The following CACNA1H variants were observed in gnomAD, a reference collection of about 807,000 sequenced individuals.
CACNA1H encodes voltage-dependent T-type calcium channel subunit alpha-1H.
A neutral mutation model predicts 192.5 loss-of-function variants in CACNA1H; 149 were observed. That is an observed-to-expected ratio of 0.77 (90% CI 0.68 to 0.89). The LOEUF is 0.89. Ranked by LOEUF, CACNA1H falls within the 40% of genes least tolerant of loss-of-function variation. The probability of loss-of-function intolerance (pLI) is 0.00; values close to 1 mark genes in which losing one functional copy is unlikely to be tolerated. For missense variants in CACNA1H, 4,257 were observed against 3,423.5 expected (o/e 1.24, Z -6.08); for synonymous variants, 2,202 against 1,475.2 (o/e 1.49, Z -11.29).
In CACNA1H at chr16:1,202,057, C is replaced by G. The variant is rs1481524583; in HGVS notation, c.1607C>G (p.Pro536Arg). 1 of 1,538,594 alleles carries G rather than the reference C, an allele frequency of 6.5e-7. No individual in the cohort carries two copies. The highest frequency in any genetic ancestry group is 1.2e-5 in the South Asian group (1 of 83,902). Residue 536 changes from proline to arginine, a missense_variant, in exon 9 of 35, where the codon CCC (proline) becomes CGC (arginine). Physicochemically the swap from Pro to Arg is moderately radical, Grantham distance 103. Transcript: ENST00000348261. ...HHHYHFSHGS[P>R]RRPGPEPGAC... ...CACTACCATTTCAGCCATGGCAGCC[C>G]CCGCAGGCCCGGCCCCGAGCCAGGC...
At chr16:1,176,333 C>G (rs1423255507) in intron 2 of CACNA1H, among the ~76,000 whole-genome samples, 1 of 152,264 alleles carries the variant, frequency 6.6e-6, no homozygotes, top group Admixed American at 6.5e-5. Flanking sequence ...CGGAGCTCCC[C>G]TGCCCATCCT....
intron 9 of CACNA1H, among the ~76,000 whole-genome samples, chr16:1,202,815 C>A (rs184645804): frequency 1.3e-5 from 2 of 152,238 alleles, no homozygotes; most frequent in East Asian, 3.9e-4. Flanking sequence ...CCCTGGAGGA[C>A]GTGCAGCGTC....
In CACNA1H at chr16:1,217,338, A is replaced by G. The variant is rs117259971; in HGVS notation, c.5323+328A>G. Reference sequence around the variant, plus strand: ...ACACAGACATCTGGAAACACACGCCATGCCCAACGTCACATGGTCCCAGGA... The same window carrying G: ...ACACAGACATCTGGAAACACACGCCGTGCCCAACGTCACATGGTCCCAGGA... On this transcript the variant is annotated intron_variant, in intron 31 of 34. Coordinates refer to ENST00000348261, the MANE Select transcript of CACNA1H (RefSeq NM_021098.3). Among the ~76,000 whole-genome samples the G allele has an allele frequency of 4.2e-3, 642 of 152,362 alleles. 2 individuals carry two copies. Among genetic ancestry groups the G allele is most frequent in the Admixed American group, 6.4e-3 (98 of 15,312 alleles).
rs775090579 is a variant in CACNA1H at position 1,220,066 on chromosome 16, C to T, written c.6134C>T (p.Pro2045Leu). ...LDPAEPGEKT[P>L]VRPVTQGGSL... Reference sequence around the variant, plus strand: ...CCTGCAGAGCCTGGTGAGAAAACCCCGGTGAGGCCGGTGACCCAGGGGGGC... The same window carrying T: ...CCTGCAGAGCCTGGTGAGAAAACCCTGGTGAGGCCGGTGACCCAGGGGGGC... Residue 2045 changes from proline to leucine, a missense_variant, in exon 35 of 35, where the codon CCG becomes CTG. Transcript: ENST00000348261. The T allele has an allele frequency of 1.7e-5, 25 of 1,434,194 alleles. No individual in the cohort carries two copies. The highest frequency in any genetic ancestry group is 2.1e-5 in the Non-Finnish European group (23 of 1,095,782). The allele number at this position is 1,434,194 out of a possible 1,614,324, so 88.8% of individuals were successfully genotyped here.
chr16:1,200,619 G>A, intron 7 of CACNA1H, 48 bp downstream of exon 7: 1 of 1,602,888 alleles, frequency 6.2e-7, no homozygotes, highest in Non-Finnish European at 8.5e-7. Context: ...CGGCAGGGGA[G>A]CGGGTGCAGG....
In CACNA1H at chr16:1,201,783, A is replaced by G; in HGVS notation, c.1333A>G (p.Ser445Gly). The G allele has an allele frequency of 6.2e-7, 1 of 1,601,668 alleles. No homozygotes were observed. Residue 445 changes from serine (S) to glycine (G), a missense_variant, in exon 9 of 35, where the codon AGC becomes GGC. Physicochemically the swap from Ser to Gly is moderately conservative, Grantham distance 56. Coordinates refer to ENST00000348261, the MANE Select transcript of CACNA1H (RefSeq NM_021098.3). ...EQRARHLSND[S>G]TLASFSEPGS... ...GCGGGCACGCCACCTGTCCAACGAC[A>G]GCACGCTGGCCAGCTTCTCCGAGCC...
chr16:1,186,124 C>T lies in CACNA1H; in HGVS notation c.300-8848C>T, dbSNP rs1966024503. 2.6e-5 allele frequency among the ~76,000 whole-genome samples: 3 copies of T among 114,904 alleles called. No individual in the cohort carries two copies. The South Asian group carries it at 8.4e-4, about 32-fold the overall frequency. The allele number at this position is 114,904 out of a possible 152,430, so 75.4% of individuals were successfully genotyped here. A position where few individuals can be genotyped will look rare whatever the true frequency, so the allele number is the denominator to read the frequency against. ...AGACGGCGTGCGTAGGGGCCGGAGG[C>T]GGGGTGTGTACGGGGCGGGTGACTA... On this transcript the variant is annotated intron_variant, in intron 2 of 34. Coordinates refer to ENST00000348261, the MANE Select transcript of CACNA1H (RefSeq NM_021098.3).
rs375853390 is a variant in CACNA1H, at chr16:1,171,959, C to T, written c.299+17923C>T. Among the ~76,000 whole-genome samples the T allele has an allele frequency of 6.6e-4, 101 of 152,360 alleles. 2 individuals are homozygous for T. Among genetic ancestry groups the T allele is most frequent in the Non-Finnish European group, 8.7e-4 (59 of 68,022 alleles). On this transcript the variant is annotated intron_variant, in intron 2 of 34. Coordinates refer to ENST00000348261, the MANE Select transcript of CACNA1H (RefSeq NM_021098.3). ...CAGGCCAGGCGGGCGCCAGGACGGA[C>T]GCTGGGGTCCAAGTGCGGCATGGGG...
intron 2 of CACNA1H, among the ~76,000 whole-genome samples, chr16:1,191,320 C>T (rs71380245): frequency 8.6e-6 from 1 of 116,698 alleles, no homozygotes; most frequent in Non-Finnish European, 1.7e-5. Flanking sequence ...GCTGGCCTGG[C>T]TGTGTGGCCT....
In CACNA1H at chr16:1,214,616, TAGA is replaced by T. The variant is rs560946220; in HGVS notation, c.4930-352_4930-350del. Among the ~76,000 whole-genome samples, 4 of 152,262 alleles carry T rather than the reference TAGA, an allele frequency of 2.6e-5. No homozygotes were observed. The South Asian group carries it at 6.2e-4, about 24-fold the overall frequency. On this transcript the variant is annotated intron_variant, in intron 27 of 34. Coordinates refer to ENST00000348261, the MANE Select transcript of CACNA1H (RefSeq NM_021098.3). ...CATGTCCCCGAGGTGCTCAAGTCAG[TAGA>T]AGACAGGGTGGGAGGTCAGGACACT...
chr16:1,199,934 G>T lies in CACNA1H; in HGVS notation c.804-322G>T, dbSNP rs139878677. Among the ~76,000 whole-genome samples, 176 of 152,110 alleles carry T rather than the reference G, an allele frequency of 1.2e-3. 1 individual carries two copies. The highest frequency in any genetic ancestry group is 3.4e-3 in the Middle Eastern group (1 of 292). On this transcript the variant is annotated intron_variant, in intron 6 of 34. Coordinates refer to ENST00000348261, the MANE Select transcript of CACNA1H (RefSeq NM_021098.3). ...TGGGTCTCCCTCCCTGTTTGTCTGT[G>T]CTGTTCTTTGTTGATTTCTCTGTCC...
chr16:1,214,935 C>A, intron 27 of CACNA1H, 37 bp from the exon 28 acceptor site: 1 of 1,452,772 alleles, frequency 6.9e-7, no homozygotes, highest in Non-Finnish European at 9.5e-7. Flanking sequence ...GGGGTGGCCC[C>A]AGCCCCACCT....
In CACNA1H at chr16:1,195,283, G is replaced by T; in HGVS notation, c.412-149G>T. 2.7e-6 allele frequency: 3 copies of T among 1,104,244 alleles called. No individual in the cohort carries two copies. In the South Asian group the frequency reaches 4.6e-5, roughly 17 times the overall value. 68.4% of individuals were successfully genotyped at this position (1,104,244 alleles called of 1,614,324 possible). Reference sequence around the variant, plus strand: ...GGCGAGAGGCGAGGTTCAAGGCGAGGCAGGGCTCAGTTCCTGGGGCTCAGG... The same window carrying T: ...GGCGAGAGGCGAGGTTCAAGGCGAGTCAGGGCTCAGTTCCTGGGGCTCAGG... On this transcript the variant is annotated intron_variant, in intron 3 of 34. Coordinates refer to ENST00000348261, the MANE Select transcript of CACNA1H (RefSeq NM_021098.3).
chr16:1,209,133 G>T lies in CACNA1H; in HGVS notation c.3465G>T (p.Lys1155Asn). ...GCCTGGGCCGTGCCCCCAGCCTCAA[G>T]CGCCGCGGCCAGTGTGGGGAACGTG... ...WSSLGRAPSL[K>N]RRGQCGERES... Residue 1155 changes from lysine to asparagine, a missense_variant, in exon 17 of 35, where the codon AAG becomes AAT. Physicochemically the swap from Lys to Asn is moderately conservative, Grantham distance 94 (BLOSUM62 0). Transcript: ENST00000348261. 6.4e-7 allele frequency: 1 copy of T among 1,553,620 alleles called. No homozygotes were observed. The highest frequency in any genetic ancestry group is 8.7e-7 in the Non-Finnish European group (1 of 1,149,922).
chr16:1,220,670 C>A lies in CACNA1H; in HGVS notation c.6738C>A (p.Ala2246=), dbSNP rs1970414012. 6.2e-7 allele frequency: 1 copy of A among 1,608,416 alleles called. No homozygotes were observed. Among genetic ancestry groups the A allele is most frequent in the African/African-American group, 1.3e-5 (1 of 74,728 alleles). Residue 2246 remains alanine, a synonymous_variant, in exon 35 of 35, where the codon GCC becomes GCA. Coordinates refer to ENST00000348261, the MANE Select transcript of CACNA1H (RefSeq NM_021098.3). The part of the protein sequence containing the change: ...EGSGAGGDPA[A]KGERWGQASC... ...CAGGCGCCGGGGGGGACCCTGCAGC[C>A]AAGGGGGAGCGCTGGGGCCAGGCCT...
chr16:1,196,390 G>C (rs367566430), intron 5 of CACNA1H, among the ~76,000 whole-genome samples: 2 of 152,202 alleles, frequency 1.3e-5, no homozygotes, highest in Non-Finnish European at 2.9e-5. Context: ...GGTGTGGCTC[G>C]TGGTGGAGAC....
rs529555668 is a variant in CACNA1H at position 1,207,847 on chromosome 16, A to C, written c.3141A>C (p.Glu1047Asp). 1.1e-4 allele frequency: 168 copies of C among 1,594,682 alleles called. 2 individuals are homozygous for C. In the South Asian group the frequency reaches 1.8e-3, roughly 17 times the overall value. ...AGGAGGACTTCCACAAGCTCAGAGA[A>C]CTCCAGACCACAGGTGCGTGTGGTC... ...HFEEDFHKLRELQTTELKMCS... is the reference protein window; with the variant it reads ...HFEEDFHKLRDLQTTELKMCS... The change falls in exon 15 of 35, where the codon GAA (glutamate) becomes GAC (aspartate). Residue 1047 changes from glutamate (E) to aspartate (D), a missense_variant. By Grantham distance (45) the Glu-to-Asp change is conservative. Coordinates refer to ENST00000348261, the MANE Select transcript of CACNA1H (RefSeq NM_021098.3).
chr16:1,190,070 G>A (rs117959567), intron 2 of CACNA1H, among the ~76,000 whole-genome samples: 1 of 152,196 alleles, frequency 6.6e-6, no homozygotes, highest in Admixed American at 6.5e-5. Context: ...TGCTGGTTGG[G>A]CCTCAGGGTC....
At chr16:1,183,991 C>T (rs573359517) in intron 2 of CACNA1H, among the ~76,000 whole-genome samples, 1 of 152,240 alleles carries the variant, frequency 6.6e-6, no homozygotes, top group Admixed American at 6.5e-5. Context: ...GCTGTGGCTG[C>T]CCCGGTGCTT....
Sources: gnomAD v4.1 joint callset for allele counts (sites outside exome capture counted in the v4.1 genomes callset) on GRCh38, gnomAD v4.1.1 for gene constraint, MANE v1.5 for transcripts, NCBI Gene and HGNC (gene_info 2026-07-23, HGNC 2026-07-21) for gene names.